Variants in NDUFS1 observed in about 807,000 individuals in gnomAD.
NDUFS1 encodes the protein NADH:ubiquinone oxidoreductase core subunit S1, also known as NADH-ubiquinone oxidoreductase 75 kDa subunit, mitochondrial.
In NDUFS1, 61 loss-of-function variants were observed where a neutral mutation model predicts 84.4. The observed-to-expected ratio is 0.72, with a 90% CI of 0.59 to 0.89. NDUFS1 has a LOEUF of 0.89. Among genes scored for constraint, NDUFS1 ranks in the 40% least tolerant of loss-of-function variants. NDUFS1 has a pLI of 0.00. For missense variants in NDUFS1, 891 were observed against 890.0 expected, an observed-to-expected ratio of 1.00 and a Z score of -0.01; for synonymous variants, 275 against 290.0, an observed-to-expected ratio of 0.95 and a Z score of 0.53.
intron 13 of NDUFS1, among the ~76,000 whole-genome samples, chr2:206,136,529 G>A (rs13407060): frequency 0.024 from 3,644 of 151,322 alleles, 154 homozygotes; most frequent in African/African-American, 0.084. Context: ...CGTCTTCTGG[G>A]TTCAAGCGAT....
At chr2:206,155,153 C>G (rs1234537817) in intron 1 of NDUFS1, among the ~76,000 whole-genome samples, 1 of 151,962 alleles carries the variant, frequency 6.6e-6, no homozygotes, top group South Asian at 2.1e-4. Context: ...GAGTCCCGCT[C>G]TGTTGCCCAG....
intron 13 of NDUFS1, among the ~76,000 whole-genome samples, chr2:206,138,283 G>T (rs556039871): frequency 1.3e-5 from 2 of 152,292 alleles, no homozygotes; most frequent in East Asian, 3.9e-4. Context: ...GTTTCACCGT[G>T]TTGCCCAGTC....
At chr2:206,146,842 A>AT (rs1692169542) in intron 8 of NDUFS1, 61 bp downstream of exon 8, 2 of 1,490,942 alleles carry the variant, frequency 1.3e-6, no homozygotes, top group Admixed American at 1.7e-5. Context: ...GAACCTTAAT[A>AT]TTTTTTTGAA....
At chr2:206,139,484 G>A (rs1691851432) in intron 12 of NDUFS1, among the ~76,000 whole-genome samples, 1 of 152,004 alleles carries the variant, frequency 6.6e-6, no homozygotes, top group African/African-American at 2.4e-5. Context: ...ACTGTGCCCG[G>A]CCTAAAAAAA....
chr2:206,151,303 T>C (rs1692362743), intron 3 of NDUFS1, among the ~76,000 whole-genome samples: 1 of 152,242 alleles, frequency 6.6e-6, no homozygotes. Context: ...ACTTATACCT[T>C]ATGTTTCATC....
Position 206,115,971 on chromosome 2 carries a change from A to C in NDUFS1, c.*8214T>G. On this transcript the variant is annotated 3_prime_UTR_variant, in exon 19 of 19. Coordinates refer to ENST00000233190, the MANE Select transcript of NDUFS1 (RefSeq NM_005006.7). Reference sequence around the variant, plus strand: ...AGAAAGTTAAAAGGCATCTTCTTTCATTAGCAGTGTTAACAGTAGTTTTTT... The same window carrying C: ...AGAAAGTTAAAAGGCATCTTCTTTCCTTAGCAGTGTTAACAGTAGTTTTTT... 1.4e-6 allele frequency: 1 copy of C among 700,054 alleles called. No individual in the cohort carries two copies. The highest frequency in any genetic ancestry group is 2.6e-6 in the Non-Finnish European group (1 of 379,326). The allele number at this position is 700,054 out of a possible 1,614,324, so 43.4% of individuals were successfully genotyped here.
chr2:206,145,767 C>T (rs147437704), intron 8 of NDUFS1, among the ~76,000 whole-genome samples: 295 of 152,252 alleles, frequency 1.9e-3, no homozygotes, highest in African/African-American at 6.6e-3. Flanking sequence ...TCTTCGAGGC[C>T]GGGGCAGGCT....
At chr2:206,136,498 A>G (rs1048783434) in intron 13 of NDUFS1, among the ~76,000 whole-genome samples, 1 of 145,108 alleles carries the variant, frequency 6.9e-6, no homozygotes, top group African/African-American at 2.6e-5. Context: ...CAGTGGCATG[A>G]TCTGAGCTCA....
At chr2:206,158,885 C>T (rs1687788417) in intron 1 of NDUFS1, among the ~76,000 whole-genome samples, 1 of 152,180 alleles carries the variant, frequency 6.6e-6, no homozygotes, top group African/African-American at 2.4e-5. Flanking sequence ...CAAACAAGGA[C>T]AACAAACAGA....
chr2:206,137,040 A>G (rs958134039), intron 13 of NDUFS1, among the ~76,000 whole-genome samples: 1 of 152,118 alleles, frequency 6.6e-6, no homozygotes, highest in South Asian at 2.1e-4. Flanking sequence ...GATGTGAGCC[A>G]CCATGCCCGG....
chr2:206,123,779 C>T lies in NDUFS1; in HGVS notation c.*406G>A. 1 of 165,862 alleles carries T rather than the reference C, an allele frequency of 6.0e-6. No individual in the cohort carries two copies. The highest frequency in any genetic ancestry group is 6.0e-5 in the Admixed American group (1 of 16,660). The allele number at this position is 165,862 out of a possible 1,614,324, so 10.3% of individuals were successfully genotyped here. ...ATCTGAGCATGATTATGTATTTTTC[C>T]TATTTACCCAGCTTGACAAGGTGCT... On this transcript the variant is annotated 3_prime_UTR_variant, in exon 19 of 19. Transcript: ENST00000233190.
At position 206,118,200 on chromosome 2, in the gene NDUFS1, T is replaced by C. The variant is rs562298480; in HGVS notation, c.*5985A>G. ...CAGAGGGTATTTGGTTTTGAGATCC[T>C]TGTTCTCTTAAAATCTGTGATCTGA... On this transcript the variant is annotated 3_prime_UTR_variant, in exon 19 of 19. Transcript: ENST00000233190. The C allele has an allele frequency of 1.3e-5, 2 of 152,376 alleles. No individual in the cohort carries two copies. Among genetic ancestry groups the C allele is most frequent in the African/African-American group, 4.8e-5 (2 of 41,586 alleles). The allele number at this position is 152,376 out of a possible 1,614,324, so 9.4% of individuals were successfully genotyped here. A position where few individuals can be genotyped will look rare whatever the true frequency, so the allele number is the denominator to read the frequency against.
chr2:206,126,655 A>G (rs1691304960), intron 17 of NDUFS1, 44 bp from the exon 18 acceptor site: 1 of 1,614,132 alleles, frequency 6.2e-7, no homozygotes, highest in Non-Finnish European at 8.5e-7. Context: ...GAAAACTAGT[A>G]CTGTTACACC....
chr2:206,122,861 A>T lies in NDUFS1; in HGVS notation c.*1324T>A, dbSNP rs1026000114. 6.6e-6 allele frequency: 1 copy of T among 152,066 alleles called. No homozygotes were observed. Among genetic ancestry groups the T allele is most frequent in the African/African-American group, 2.4e-5 (1 of 41,360 alleles). The allele number at this position is 152,066 out of a possible 1,614,324, so 9.4% of individuals were successfully genotyped here. On this transcript the variant is annotated 3_prime_UTR_variant, in exon 19 of 19. Transcript: ENST00000233190. ...GTGATCCTCCCACCTCAGCCTTCCG[A>T]GTAGCTGGGACTATAGGTGTACACC... is the stretch of plus-strand genomic sequence containing the variant.
intron 1 of NDUFS1, 49 bp from the exon 2 acceptor site, chr2:206,153,731 C>T (rs1687203621): frequency 9.9e-7 from 1 of 1,007,596 alleles, no homozygotes; most frequent in Non-Finnish European, 1.5e-6. Flanking sequence ...AAAACAATCA[C>T]CAACTGTTTG....
chr2:206,157,774 G>C (rs1455193383), intron 1 of NDUFS1, among the ~76,000 whole-genome samples: 1 of 152,116 alleles, frequency 6.6e-6, no homozygotes, highest in African/African-American at 2.4e-5. Flanking sequence ...AGTAGCAATA[G>C]AAATAATTAT....
chr2:206,133,634 T>A (rs1368684316), intron 13 of NDUFS1, among the ~76,000 whole-genome samples: 3 of 152,098 alleles, frequency 2.0e-5, no homozygotes, highest in Non-Finnish European at 4.4e-5. Context: ...GGAGAATGCA[T>A]CCCAAGAGTA....
Position 206,126,969 on chromosome 2 carries a change from T to C in NDUFS1, c.1885-125A>G, listed in dbSNP as rs1035323020. ...TGAAAAACCTATTGGTGTCCATTAG[T>C]AGACATACATTTATGAAGGAAGCAG... On this transcript the variant is annotated intron_variant, in intron 16 of 18. Transcript: ENST00000233190. 16 of 1,144,754 alleles carry C rather than the reference T, an allele frequency of 1.4e-5. No homozygotes were observed. The African/African-American group carries it at 1.9e-4, about 13-fold the overall frequency. The allele number at this position is 1,144,754 out of a possible 1,614,324, so 70.9% of individuals were successfully genotyped here. A position where few individuals can be genotyped will look rare whatever the true frequency, so the allele number is the denominator to read the frequency against.
At chr2:206,148,641 T>C (rs1421459539) in intron 5 of NDUFS1, among the ~76,000 whole-genome samples, 1 of 152,196 alleles carries the variant, frequency 6.6e-6, no homozygotes, top group Non-Finnish European at 1.5e-5. Context: ...AAGAAAATTG[T>C]AACTTTTAAC....
Sources: gnomAD v4.1 joint callset for allele counts (sites outside exome capture counted in the v4.1 genomes callset) on GRCh38, gnomAD v4.1.1 for gene constraint, MANE v1.5 for transcripts, NCBI Gene and HGNC (gene_info 2026-07-23, HGNC 2026-07-21) for gene names.